GALNTL6: variants seen among roughly 807,000 people sequenced by gnomAD.
GALNTL6 encodes the protein polypeptide N-acetylgalactosaminyltransferase-like 6.
GALNTL6 carries 46 observed loss-of-function variants against 73.7 expected under a neutral mutation model. That is an observed-to-expected ratio of 0.62 (90% confidence interval 0.49 to 0.80). The LOEUF is 0.80. Ranked by LOEUF, GALNTL6 falls within the 30% of genes least tolerant of loss-of-function variation. The probability of loss-of-function intolerance (pLI) is 0.00; values close to 1 mark genes in which losing one functional copy is unlikely to be tolerated. For missense variants in GALNTL6, 604 were observed against 755.0 expected (o/e 0.80, Z 2.34); for synonymous variants, 259 against 263.7 (o/e 0.98, Z 0.17).
At chr4:171,857,046 T>G (rs147854950) in intron 2 of GALNTL6, among the ~76,000 whole-genome samples, 2 of 152,302 alleles carry the variant, frequency 1.3e-5, no homozygotes, top group East Asian at 3.9e-4. Context: ...ATGCACACAT[T>G]GACTTTTAGT....
At chr4:172,093,084 G>C (rs890857868) in intron 2 of GALNTL6, among the ~76,000 whole-genome samples, 1 of 151,890 alleles carries the variant, frequency 6.6e-6, no homozygotes. Context: ...ATGTTGGACA[G>C]GATGGTCTGG....
rs530312447 is a variant in GALNTL6 at position 173,028,652 on chromosome 4, C to G, written c.1638+7027C>G. On this transcript the variant is annotated intron_variant, in intron 12 of 12. Coordinates refer to ENST00000506823, the MANE Select transcript of GALNTL6 (RefSeq NM_001034845.3). ...TCCTAAATAAGCATTCATTGACTGGCTTAAAGAACCACTAGTTCAATTATT... is the reference window on the plus strand; with the variant it reads ...TCCTAAATAAGCATTCATTGACTGGGTTAAAGAACCACTAGTTCAATTATT... 7.2e-5 allele frequency among the ~76,000 whole-genome samples: 11 copies of G among 152,316 alleles called. No individual in the cohort carries two copies. The East Asian group carries it at 2.1e-3, about 29-fold the overall frequency.
At chr4:172,861,347 G>GTGTA (rs1744385801) in intron 7 of GALNTL6, among the ~76,000 whole-genome samples, 1 of 151,638 alleles carries the variant, frequency 6.6e-6, no homozygotes, top group Non-Finnish European at 1.5e-5. Context: ...GTGTGTGTGT[G>GTGTA]TGTGTGTGTT....
In GALNTL6 at chr4:171,988,567, T is replaced by G. The variant is rs191135483; in HGVS notation, c.138+173849T>G. 9.0e-3 allele frequency among the ~76,000 whole-genome samples: 1,361 copies of G among 151,882 alleles called. 17 individuals are homozygous for G. The highest frequency in any genetic ancestry group is 0.031 in the African/African-American group (1,267 of 41,370). On this transcript the variant is annotated intron_variant, in intron 2 of 12. Coordinates refer to ENST00000506823, the MANE Select transcript of GALNTL6 (RefSeq NM_001034845.3). The stretch of plus-strand genomic sequence containing the variant: ...GAGGGAGGTATTGAGGATAGGAGAG[T>G]ATATGGGTTTGGCACCACGGGGTGG...
At chr4:172,339,275 A>G (rs1741470573) in intron 4 of GALNTL6, among the ~76,000 whole-genome samples, 1 of 129,904 alleles carries the variant, frequency 7.7e-6, no homozygotes, top group Non-Finnish European at 1.7e-5. Context: ...ACACACACAC[A>G]CACACACACA....
intron 5 of GALNTL6, among the ~76,000 whole-genome samples, chr4:172,645,720 C>T (rs1740213453): frequency 6.6e-6 from 1 of 151,750 alleles, no homozygotes; most frequent in African/African-American, 2.4e-5. Flanking sequence ...GAAGGTCCCT[C>T]CAAAATAGGT....
chr4:172,678,812 G>GATGTTGAAAATATATTCTCCCACCA (rs1282867072), intron 5 of GALNTL6, among the ~76,000 whole-genome samples: 1 of 152,136 alleles, frequency 6.6e-6, no homozygotes, highest in East Asian at 1.9e-4. Context: ...TAGCTCTAGC[G>GATGTTGAAAATATATTCTCCCACCA]ATGTTGAAAA....
intron 6 of GALNTL6, among the ~76,000 whole-genome samples, chr4:172,811,670 C>G (rs1420695759): frequency 6.6e-6 from 1 of 152,058 alleles, no homozygotes; most frequent in Admixed American, 6.6e-5. Context: ...GCTGGGGGGT[C>G]TCTTCATCTG....
intron 5 of GALNTL6, among the ~76,000 whole-genome samples, chr4:172,484,799 C>T (rs754235471): frequency 6.6e-6 from 1 of 152,052 alleles, no homozygotes; most frequent in African/African-American, 2.4e-5. Context: ...AGATTTTTCT[C>T]TTAAGGTATT....
intron 2 of GALNTL6, among the ~76,000 whole-genome samples, chr4:172,085,091 A>C (rs1731991439): frequency 6.6e-6 from 1 of 152,170 alleles, no homozygotes; most frequent in Non-Finnish European, 1.5e-5. Context: ...ATACATATAA[A>C]TAGCTATAGG....
chr4:172,367,307 G>A (rs1742602166), intron 5 of GALNTL6, among the ~76,000 whole-genome samples: 1 of 152,190 alleles, frequency 6.6e-6, no homozygotes, highest in Non-Finnish European at 1.5e-5. Context: ...GAGGGTGGAA[G>A]CAGTTTCATT....
At chr4:172,604,386 A>T (rs1296585655) in intron 5 of GALNTL6, among the ~76,000 whole-genome samples, 2 of 152,296 alleles carry the variant, frequency 1.3e-5, no homozygotes, top group East Asian at 3.9e-4. Context: ...GTATTAAAAA[A>T]CTAAATACTA....
At chr4:172,979,149 A>T (rs1579736595) in intron 10 of GALNTL6, among the ~76,000 whole-genome samples, 1 of 152,232 alleles carries the variant, frequency 6.6e-6, no homozygotes, top group Admixed American at 6.5e-5. Context: ...AATGGTTAAC[A>T]GTAACTGGAG....
intron 8 of GALNTL6, among the ~76,000 whole-genome samples, chr4:172,907,287 C>T (rs1231710884): frequency 6.6e-6 from 1 of 152,050 alleles, no homozygotes; most frequent in Non-Finnish European, 1.5e-5. Context: ...TTTAACAAAG[C>T]TTCACCAGGG....
At chr4:172,023,742 C>T (rs1436526759) in intron 2 of GALNTL6, among the ~76,000 whole-genome samples, 1 of 151,810 alleles carries the variant, frequency 6.6e-6, no homozygotes, top group East Asian at 1.9e-4. Flanking sequence ...TTAAATATAG[C>T]TTTGGTCATT....
chr4:172,385,893 CATTT>C (rs1346308999), intron 5 of GALNTL6, among the ~76,000 whole-genome samples: 2 of 151,466 alleles, frequency 1.3e-5, no homozygotes, highest in East Asian at 3.9e-4. Context: ...CTATTTATTA[CATTT>C]ATTGTTTATA....
At position 173,033,970 on chromosome 4, in the gene GALNTL6, G is replaced by A. The variant is rs753369685; in HGVS notation, c.1639-5963G>A. 9.2e-5 allele frequency among the ~76,000 whole-genome samples: 14 copies of A among 152,140 alleles called. No homozygotes were observed. In the South Asian group the frequency reaches 1.5e-3, roughly 16 times the overall value. ...CTGGGCATCTAAACTTTGATGTCTC[G>A]TAAGCATCTCCAACTCGTCATACCT... On this transcript the variant is annotated intron_variant, in intron 12 of 12. Coordinates refer to ENST00000506823, the MANE Select transcript of GALNTL6 (RefSeq NM_001034845.3).
chr4:172,431,486 A>G (rs1459924925), intron 5 of GALNTL6, among the ~76,000 whole-genome samples: 2 of 152,162 alleles, frequency 1.3e-5, no homozygotes, highest in Non-Finnish European at 2.9e-5. Context: ...ATATAAATAC[A>G]TATGCATATA....
chr4:171,970,205 A>T (rs1194928968), intron 2 of GALNTL6, among the ~76,000 whole-genome samples: 8 of 127,736 alleles, frequency 6.3e-5, no homozygotes, highest in Non-Finnish European at 1.4e-4. Context: ...GCCATGATCA[A>T]CCCTAGCCAT....
Sources: gnomAD v4.1 joint callset for allele counts (sites outside exome capture counted in the v4.1 genomes callset) on GRCh38, gnomAD v4.1.1 for gene constraint, MANE v1.5 for transcripts, NCBI Gene and HGNC (gene_info 2026-07-23, HGNC 2026-07-21) for gene names.